Variants in MIA3 observed in about 807,000 individuals in gnomAD.
MIA3 encodes MIA SH3 domain ER export factor 3.
MIA3 carries 90 observed loss-of-function variants against 192.4 expected under a neutral mutation model. The ratio of observed to expected loss-of-function variants is 0.47; its 90% CI spans 0.39 to 0.56. The LOEUF (loss-of-function observed/expected upper bound fraction) is 0.56, where lower values mean the gene tolerates loss of function less well. MIA3 is among the 20% of genes least tolerant of loss of function. The probability of loss-of-function intolerance (pLI) is 0.00; values close to 1 mark genes in which losing one functional copy is unlikely to be tolerated. For missense variants in MIA3, 2,123 were observed against 2,269.4 expected (o/e 0.94, Z 1.31); for synonymous variants, 740 against 792.8 (o/e 0.93, Z 1.12).
intron 1 of MIA3, among the ~76,000 whole-genome samples, chr1:222,619,281 T>C (rs907472172): frequency 6.6e-6 from 1 of 152,232 alleles, no homozygotes; most frequent in Non-Finnish European, 1.5e-5. Flanking sequence ...TCCCAGACCG[T>C]CTCAACCTTG....
chr1:222,642,765 T>G (rs1299334875), intron 6 of MIA3, among the ~76,000 whole-genome samples: 2 of 152,226 alleles, frequency 1.3e-5, no homozygotes, highest in Non-Finnish European at 2.9e-5. Flanking sequence ...GAAATCATAT[T>G]TCATTGTAGG....
At chr1:222,654,523 AC>A in intron 17 of MIA3, 44 bp downstream of exon 17, 1 of 1,567,312 alleles carries the variant, frequency 6.4e-7, no homozygotes, top group South Asian at 1.1e-5. Flanking sequence ...TTGGAAAGAT[AC>A]AAAATTGCAT....
intron 6 of MIA3, among the ~76,000 whole-genome samples, chr1:222,643,856 G>A (rs916031629): frequency 1.3e-5 from 2 of 152,170 alleles, no homozygotes; most frequent in Admixed American, 6.5e-5. Context: ...TCCTGGGTAA[G>A]ACTTTTTAAT....
chr1:222,641,624 C>T, intron 6 of MIA3: 1 of 530,506 alleles, frequency 1.9e-6, no homozygotes, highest in South Asian at 1.4e-5. Context: ...TCAATGAGCA[C>T]ATGTTCCACA....
At chr1:222,623,594 T>C (rs964725937) in intron 2 of MIA3, among the ~76,000 whole-genome samples, 5 of 152,236 alleles carry the variant, frequency 3.3e-5, no homozygotes, top group Admixed American at 2.6e-4. Flanking sequence ...TAATTGCCCT[T>C]ATCTAATCTC....
chr1:222,659,632 A>T lies in MIA3; in HGVS notation c.4781A>T (p.His1594Leu). The part of the protein sequence containing the change: ...ERSFKNQIAT[H>L]EKKAHENWLK... ...TATTATCTTTTTCAGATCGCTACCCATGAGAAGAAAGCTCATGAAAACTGG... is the reference window on the plus strand; with the variant it reads ...TATTATCTTTTTCAGATCGCTACCCTTGAGAAGAAAGCTCATGAAAACTGG... The change falls in exon 21 of 28, where the codon CAT becomes CTT. Residue 1594 changes from histidine to leucine, a missense_variant. Around this residue, in one of 3 missense-constraint regions of MIA3, gnomAD observed 762 missense variants for 856.4 expected, o/e 0.89. Transcript: ENST00000344922. The T allele has an allele frequency of 6.2e-7, 1 of 1,614,050 alleles. No individual in the cohort carries two copies. The highest frequency in any genetic ancestry group is 8.5e-7 in the Non-Finnish European group (1 of 1,179,952).
chr1:222,621,957 T>C (rs575783485), intron 2 of MIA3, among the ~76,000 whole-genome samples: 1 of 152,228 alleles, frequency 6.6e-6, no homozygotes, highest in African/African-American at 2.4e-5. Context: ...TGCAGGTGCC[T>C]GCCACCACAC....
rs541997713 is a variant in MIA3 at position 222,628,520 on chromosome 1, T to A, written c.1300T>A (p.Tyr434Asn). The A allele has an allele frequency of 6.2e-7, 1 of 1,614,066 alleles. No homozygotes were observed. The highest frequency in any genetic ancestry group is 1.3e-5 in the African/African-American group (1 of 75,016). ...GGGGAAACCACAGTCAGCAACAGAT[T>A]ATAGTGACCCTGACAATGTAGATGA... ...KQGKPQSATD[Y>N]SDPDNVDDGL... is the part of the protein sequence containing the mutation. The change falls in exon 4 of 28, where the codon TAT becomes AAT. Residue 434 changes from tyrosine to asparagine, a missense_variant. Physicochemically the swap from Tyr to Asn is moderately radical, Grantham distance 143. Coordinates refer to ENST00000344922, the MANE Select transcript of MIA3 (RefSeq NM_198551.4).
In MIA3 at chr1:222,628,316, C is replaced by T. The variant is rs1416061471; in HGVS notation, c.1096C>T (p.Leu366=). The part of the protein sequence containing the change: ...QNSNEEDKVQ[L]TVPPGIKNDD... ...TTCAAATGAAGAGGACAAGGTTCAG[C>T]TAACTGTGCCCCCTGGCATCAAAAA... Residue 366 remains leucine (L), a synonymous_variant, in exon 4 of 28, where the codon CTA becomes TTA. Transcript: ENST00000344922. 1 of 1,613,770 alleles carries T rather than the reference C, an allele frequency of 6.2e-7. No individual in the cohort carries two copies. The highest frequency in any genetic ancestry group is 1.7e-5 in the Admixed American group (1 of 59,970).
chr1:222,660,317 G>A lies in MIA3; in HGVS notation c.5113+3G>A, dbSNP rs1256215769. ...AGATATGCCTAGAAGTGAATTTGGT[G>A]AGCATTCACATGTTTCCTTGCAATA... On this transcript the variant is annotated splice_donor_region_variant and intron_variant, in intron 24 of 27. Transcript: ENST00000344922. 1 of 1,607,426 alleles carries A rather than the reference G, an allele frequency of 6.2e-7. No homozygotes were observed. Among genetic ancestry groups the A allele is most frequent in the East Asian group, 2.2e-5 (1 of 44,808 alleles).
intron 2 of MIA3, among the ~76,000 whole-genome samples, chr1:222,623,812 G>A (rs1462219140): frequency 1.3e-5 from 2 of 152,172 alleles, no homozygotes; most frequent in African/African-American, 4.8e-5. Context: ...TGTTTCTCAA[G>A]AGGGCACATT....
In MIA3 at chr1:222,628,696, C is replaced by T; in HGVS notation, c.1476C>T (p.Gly492=). The change falls in exon 4 of 28, where the codon GGC becomes GGT. Residue 492 remains glycine, a synonymous_variant. Coordinates refer to ENST00000344922, the MANE Select transcript of MIA3 (RefSeq NM_198551.4). ...KTELEDENQE[G]MTVHSSVHSN... ...AATTAGAGGATGAAAATCAAGAAGG[C>T]ATGACTGTGCACAGTTCTGTTCACA... 1 of 1,614,094 alleles carries T rather than the reference C, an allele frequency of 6.2e-7. No homozygotes were observed. The highest frequency in any genetic ancestry group is 8.5e-7 in the Non-Finnish European group (1 of 1,180,014).
At position 222,621,241 on chromosome 1, in the gene MIA3, A is replaced by G; in HGVS notation, c.216A>G (p.Val72=). The change falls in exon 2 of 28, where the codon GTA becomes GTG. Residue 72 remains valine, a synonymous_variant. Coordinates refer to ENST00000344922, the MANE Select transcript of MIA3 (RefSeq NM_198551.4). ...TGAATTTTAAAAAAGGTGATCCTGT[A>G]TATGTTTACTATAAACTGGCAAGAG... ...RFVNFKKGDP[V]YVYYKLARGW... 2.5e-6 allele frequency: 4 copies of G among 1,613,638 alleles called. No homozygotes were observed. Among genetic ancestry groups the G allele is most frequent in the Non-Finnish European group, 2.5e-6 (3 of 1,179,814 alleles).
intron 3 of MIA3, among the ~76,000 whole-genome samples, 154 bp downstream of exon 3, chr1:222,625,008 A>G (rs1316285566): frequency 6.6e-6 from 1 of 151,870 alleles, no homozygotes; most frequent in Admixed American, 6.6e-5. Flanking sequence ...ATATAAGGCT[A>G]TGTACTCTTT....
Position 222,621,139 on chromosome 1 carries a change from T to TC in MIA3, c.134-20_134-19insC. On this transcript the variant is annotated intron_variant, in intron 1 of 27. Coordinates refer to ENST00000344922, the MANE Select transcript of MIA3 (RefSeq NM_198551.4). Reference sequence around the variant, plus strand: ...GAATCCTGATATCTGGCTATTTTTTTTCTCTCTCTTTATATACAGTGTTAA... The same window carrying TC: ...GAATCCTGATATCTGGCTATTTTTTTCTCTCTCTCTTTATATACAGTGTTAA... The TC allele has an allele frequency of 3.2e-6, 5 of 1,574,128 alleles. No individual in the cohort carries two copies. The East Asian group carries it at 6.7e-5, about 21-fold the overall frequency.
rs969948566 is a variant in MIA3, at chr1:222,648,706, T to C, written c.3610-123T>C. ...AAGTTTTTTCATCTTGAGGATTCATTATGCTAAACCAAAGTTTTATTAAAT... is the reference window on the plus strand; with the variant it reads ...AAGTTTTTTCATCTTGAGGATTCATCATGCTAAACCAAAGTTTTATTAAAT... On this transcript the variant is annotated intron_variant, in intron 7 of 27. Transcript: ENST00000344922. 4 of 670,768 alleles carry C rather than the reference T, an allele frequency of 6.0e-6. No homozygotes were observed. In the African/African-American group the frequency reaches 7.4e-5, roughly 12 times the overall value. 41.6% of individuals were successfully genotyped at this position (670,768 alleles called of 1,614,324 possible). A position where few individuals can be genotyped will look rare whatever the true frequency, so the allele number is the denominator to read the frequency against.
chr1:222,652,914 C>T, intron 13 of MIA3, 94 bp from the exon 14 acceptor site: 1 of 1,410,362 alleles, frequency 7.1e-7, no homozygotes, highest in Non-Finnish European at 9.6e-7. Context: ...CAAGGAGAGG[C>T]ATGGTTCCTT....
In MIA3 at chr1:222,628,471, T is replaced by C. The variant is rs755882488; in HGVS notation, c.1251T>C (p.Asp417=). 15 of 1,612,724 alleles carry C rather than the reference T, an allele frequency of 9.3e-6. No individual in the cohort carries two copies. The African/African-American group carries it at 2.0e-4, about 22-fold the overall frequency. The change falls in exon 4 of 28, where the codon GAT becomes GAC. Residue 417 remains aspartate, a synonymous_variant. Transcript: ENST00000344922. The part of the protein sequence containing the change: ...SSEEEKEDDD[D]ALVPDSKQGK... ...AGGAAGAAAAAGAAGATGATGATGATGCATTAGTCCCAGATAGCAAACAGG... is the reference window on the plus strand; with the variant it reads ...AGGAAGAAAAAGAAGATGATGATGACGCATTAGTCCCAGATAGCAAACAGG...
rs780377009 is a variant in MIA3, at chr1:222,629,692, A to T, written c.2472A>T (p.Pro824=). ...RPLADKKAQR[P]FERSDFSDSI... The stretch of plus-strand genomic sequence containing the variant: ...TGGCAGATAAGAAAGCACAGAGACC[A>T]TTTGAACGAAGTGACTTTTCTGACA... The change falls in exon 4 of 28, where the codon CCA becomes CCT. Residue 824 remains proline (P), a synonymous_variant. Transcript: ENST00000344922. 1 of 1,614,186 alleles carries T rather than the reference A, an allele frequency of 6.2e-7. No homozygotes were observed. The highest frequency in any genetic ancestry group is 2.2e-5 in the East Asian group (1 of 44,888).
Sources: allele counts gnomAD v4.1 joint callset (sites outside exome capture counted in the v4.1 genomes callset), GRCh38; gene constraint gnomAD v4.1.1; regional missense constraint gnomAD v4.1.1; transcripts MANE v1.5; gene names NCBI Gene and HGNC (gene_info 2026-07-23, HGNC 2026-07-21).